ATP11A: variants seen among roughly 807,000 people sequenced by gnomAD.
ATP11A encodes the protein ATPase phospholipid transporting 11A.
In ATP11A, 81 loss-of-function variants were observed where a neutral mutation model predicts 154.4. The observed-to-expected ratio is 0.52, with a 90% CI of 0.44 to 0.63. The LOEUF is 0.63. Among genes scored for constraint, ATP11A ranks in the 30% least tolerant of loss-of-function variants. The pLI is 0.00. For synonymous variants in ATP11A, 623 were observed against 585.9 expected (o/e 1.06, Z -0.91); for missense variants, 1,316 against 1,474.3 (o/e 0.89, Z 1.76).
Position 112,851,146 on chromosome 13 carries a change from A to G in ATP11A, c.1919A>G (p.Lys640Arg). Residue 640 changes from lysine (K) to arginine (R), a missense_variant, in exon 18 of 30, where the codon AAA becomes AGA. Coordinates refer to ENST00000375645, the MANE Select transcript of ATP11A (RefSeq NM_015205.3). ...AAKVALQDRE[K>R]KLAEAYEQIE... ...AAAGTGGCCCTTCAAGATCGAGAGA[A>G]AAAGTTAGCAGAAGCCTATGAGCAA... 1 of 1,614,226 alleles carries G rather than the reference A, an allele frequency of 6.2e-7. No homozygotes were observed. The highest frequency in any genetic ancestry group is 8.5e-7 in the Non-Finnish European group (1 of 1,180,030).
chr13:112,870,545 A>G (rs1040127269), intron 25 of ATP11A, among the ~76,000 whole-genome samples: 1 of 151,996 alleles, frequency 6.6e-6, no homozygotes, highest in African/African-American at 2.4e-5. Context: ...CGCCCGGCTA[A>G]TGTTTGTATT....
intron 17 of ATP11A, among the ~76,000 whole-genome samples, chr13:112,845,890 A>G (rs893849082): frequency 6.6e-6 from 1 of 152,134 alleles, no homozygotes; most frequent in East Asian, 1.9e-4. Context: ...TTTGCCGGGC[A>G]CTCGCAGTGC....
At chr13:112,730,933 C>CTATT (rs1321528616) in intron 1 of ATP11A, among the ~76,000 whole-genome samples, 2 of 152,044 alleles carry the variant, frequency 1.3e-5, no homozygotes, top group Admixed American at 6.6e-5. Context: ...CGTAGACAGT[C>CTATT]TATTTATTTA....
At chr13:112,834,772 G>T (rs7999828) in intron 15 of ATP11A, 112 bp downstream of exon 15, 11 of 826,726 alleles carry the variant, frequency 1.3e-5, no homozygotes, top group Non-Finnish European at 2.2e-5. Context: ...CCCACAATTC[G>T]CTTCCTCTCC....
At chr13:112,813,424 G>A (rs1288417276) in intron 5 of ATP11A, among the ~76,000 whole-genome samples, 7 of 152,156 alleles carry the variant, frequency 4.6e-5, no homozygotes, top group Admixed American at 2.6e-4. Flanking sequence ...CGGGATTCAC[G>A]AAGTCTGTGC....
At chr13:112,763,424 A>G (rs1166709985) in intron 1 of ATP11A, among the ~76,000 whole-genome samples, 1 of 152,166 alleles carries the variant, frequency 6.6e-6, no homozygotes, top group Non-Finnish European at 1.5e-5. Flanking sequence ...ACTCTAGTGT[A>G]CCCTCACATG....
chr13:112,717,706 G>A (rs1172963436), intron 1 of ATP11A: 1 of 152,210 alleles, frequency 6.6e-6, no homozygotes, highest in African/African-American at 2.4e-5. Flanking sequence ...TTAAGTTATG[G>A]TCGTAGGTGA....
At chr13:112,840,445 A>C (rs990301670) in intron 16 of ATP11A, among the ~76,000 whole-genome samples, 1 of 4,076 alleles carries the variant, frequency 2.5e-4, no homozygotes, top group Admixed American at 4.1e-3. Context: ...CAGCCTCCCC[A>C]TTCTCTCATC....
rs899740549 is a variant in ATP11A, at chr13:112,753,627, A to C, written c.40-31508A>C. Among the ~76,000 whole-genome samples, 1 of 152,112 alleles carries C rather than the reference A, an allele frequency of 6.6e-6. No individual in the cohort carries two copies. The highest frequency in any genetic ancestry group is 1.5e-5 in the Non-Finnish European group (1 of 68,022). The stretch of plus-strand genomic sequence containing the variant: ...TTTTTTGAAAAAGAACAGCTTGTTT[A>C]TATCTTTTGCCCATCTTTCATTTGG... On this transcript the variant is annotated intron_variant, in intron 1 of 29. Transcript: ENST00000375645. This position sits in a 1 kb window ranked among gnomAD's most constrained non-coding sequence, Gnocchi z 4.1.
intron 16 of ATP11A, among the ~76,000 whole-genome samples, chr13:112,836,459 G>GCTAAACAT (rs537503017): frequency 8.5e-4 from 130 of 152,250 alleles, no homozygotes; most frequent in South Asian, 1.7e-3. Flanking sequence ...GGAGTCCTGG[G>GCTAAACAT]CTAAACATCC....
intron 1 of ATP11A, among the ~76,000 whole-genome samples, chr13:112,750,671 TCA>T (rs2076669991): frequency 6.6e-6 from 1 of 152,272 alleles, no homozygotes; most frequent in Admixed American, 6.5e-5. Flanking sequence ...CGTGAATTTC[TCA>T]GTCTTTCAGT....
At chr13:112,820,966 G>A (rs2078782755) in intron 8 of ATP11A, among the ~76,000 whole-genome samples, 1 of 152,192 alleles carries the variant, frequency 6.6e-6, no homozygotes. Flanking sequence ...AACCATTTGT[G>A]CACTTCTTAG....
intron 1 of ATP11A, among the ~76,000 whole-genome samples, chr13:112,773,006 G>T (rs1199549431): frequency 6.6e-6 from 1 of 152,190 alleles, no homozygotes; most frequent in Non-Finnish European, 1.5e-5. Context: ...AACCCTGAGT[G>T]TGTCCACGTG....
At chr13:112,837,518 C>G (rs377319871) in intron 16 of ATP11A, among the ~76,000 whole-genome samples, 14 of 152,224 alleles carry the variant, frequency 9.2e-5, no homozygotes, top group African/African-American at 3.1e-4. Flanking sequence ...CGAGTGCTCC[C>G]AAATCCTGTG....
intron 1 of ATP11A, among the ~76,000 whole-genome samples, chr13:112,703,109 T>G (rs1239891263): frequency 6.6e-6 from 1 of 152,250 alleles, no homozygotes; most frequent in African/African-American, 2.4e-5. Context: ...GCTCAGCCGC[T>G]GTTACAGAAT....
chr13:112,818,142 C>T (rs1054488083), intron 6 of ATP11A, among the ~76,000 whole-genome samples: 4 of 133,278 alleles, frequency 3.0e-5, no homozygotes, highest in Non-Finnish European at 4.8e-5. Context: ...CTTGGTGACA[C>T]GGCGGTGACC....
At chr13:112,860,798 C>T (rs1257474207) in intron 24 of ATP11A, 1 of 158,852 alleles carries the variant, frequency 6.3e-6, no homozygotes, top group Non-Finnish European at 1.4e-5. Flanking sequence ...AAATTAACAG[C>T]TCTGGTTTCA....
Position 112,810,666 on chromosome 13 carries a change from G to A in ATP11A, c.381G>A (p.Gln127=). The change falls in exon 5 of 30, where the codon CAG becomes CAA. Residue 127 remains glutamine, a synonymous_variant. Coordinates refer to ENST00000375645, the MANE Select transcript of ATP11A (RefSeq NM_015205.3). ...ATAAAGCAGACAATGCCATGAACCA[G>A]TGTCCTGTTCATTTCATTCAGCACG... The part of the protein sequence containing the change: ...LRHKADNAMN[Q]CPVHFIQHGK... 4 of 1,614,120 alleles carry A rather than the reference G, an allele frequency of 2.5e-6. No individual in the cohort carries two copies. In the African/African-American group the frequency reaches 4.0e-5, roughly 16 times the overall value.
rs368448411 is a variant in ATP11A, at chr13:112,871,850, C to T, written c.3057+50C>T. ...CTCCCCCAGCCACAGTGAACCCCTGCAGTGTAGGCCTCACGCGCTCTGAGC... is the reference window on the plus strand; with the variant it reads ...CTCCCCCAGCCACAGTGAACCCCTGTAGTGTAGGCCTCACGCGCTCTGAGC... On this transcript the variant is annotated intron_variant, in intron 26 of 29. Transcript: ENST00000375645. 15 of 1,532,490 alleles carry T rather than the reference C, an allele frequency of 9.8e-6. No individual in the cohort carries two copies. In the African/African-American group the frequency reaches 1.1e-4, roughly 11 times the overall value. The allele number at this position is 1,532,490 out of a possible 1,614,324, so 94.9% of individuals were successfully genotyped here. A position where few individuals can be genotyped will look rare whatever the true frequency, so the allele number is the denominator to read the frequency against.
Sources: gnomAD v4.1 joint callset for allele counts (sites outside exome capture counted in the v4.1 genomes callset) on GRCh38, gnomAD v4.1.1 for gene constraint, Gnocchi (gnomAD v3.1) non-coding constraint, MANE v1.5 for transcripts, NCBI Gene and HGNC (gene_info 2026-07-23, HGNC 2026-07-21) for gene names.